RGS8: variants seen among roughly 807,000 people sequenced by gnomAD.
The protein encoded by RGS8 is regulator of G-protein signaling 8.
Under a neutral mutation model 21.7 loss-of-function variants are expected in RGS8, and 8 were observed. The observed-to-expected ratio is 0.37, with a 90% CI of 0.22 to 0.66. The LOEUF is 0.66. RGS8 is among the 30% of genes least tolerant of loss of function. The probability of loss-of-function intolerance (pLI) is 0.59; values close to 1 mark genes in which losing one functional copy is unlikely to be tolerated. For synonymous variants in RGS8, 80 were observed against 83.6 expected, an observed-to-expected ratio of 0.96 and a Z score of 0.24; for missense variants, 157 against 217.9, an observed-to-expected ratio of 0.72 and a Z score of 1.76.
the RGS8 span, among the ~76,000 whole-genome samples, chr1:182,698,829 T>G: frequency 6.6e-6 from 1 of 152,198 alleles, no homozygotes; most frequent in African/African-American, 2.4e-5. Flanking sequence ...TTGAAATAAT[T>G]CTTACTTCGT....
At chr1:182,715,452 T>C in the RGS8 span, among the ~76,000 whole-genome samples, 1 of 152,218 alleles carries the variant, frequency 6.6e-6, no homozygotes, top group African/African-American at 2.4e-5. Context: ...CCTGTGTCTA[T>C]GCTTCACCCA....
At chr1:182,645,943 A>G (rs1209139176), downstream of RGS8, 2 of 152,224 alleles carry the variant, frequency 1.3e-5, no homozygotes, top group African/African-American at 4.8e-5. Context: ...TACTGGTGCT[A>G]CTTGCCCTCG....
chr1:182,671,668 A>G, exon 2 of RGS8: 2 of 1,614,176 alleles, frequency 1.2e-6, no homozygotes, highest in Admixed American at 1.7e-5. Flanking sequence ...GTCTTTGGCC[A>G]GTCCTCATGG....
At chr1:182,707,051 C>A in the RGS8 span, among the ~76,000 whole-genome samples, 1 of 151,776 alleles carries the variant, frequency 6.6e-6, no homozygotes, top group East Asian at 1.9e-4. Flanking sequence ...CCCAGCTACT[C>A]GGGAGGCTGA....
chr1:182,723,360 GT>G, the RGS8 span, among the ~76,000 whole-genome samples: 2 of 152,266 alleles, frequency 1.3e-5, no homozygotes, highest in South Asian at 4.1e-4. Context: ...CACACATGAA[GT>G]TGCTGGCTGG....
the RGS8 span, among the ~76,000 whole-genome samples, chr1:182,720,639 C>G: frequency 6.6e-6 from 1 of 152,036 alleles, no homozygotes; most frequent in Admixed American, 6.5e-5. Flanking sequence ...ACTGCAGGCC[C>G]ATGTTCTGAG....
intron 5 of RGS8, chr1:182,658,233 T>A (rs1663380514): frequency 6.6e-6 from 1 of 152,148 alleles, no homozygotes; most frequent in South Asian, 2.1e-4. Context: ...GGAGGATGCT[T>A]ACATAAGAAA....
chr1:182,679,586 C>T (rs759039756), intron 1 of RGS8, among the ~76,000 whole-genome samples: 2 of 152,146 alleles, frequency 1.3e-5, no homozygotes, highest in Non-Finnish European at 2.9e-5. Context: ...GTCCTAACTA[C>T]ATTGGGTATA....
At chr1:182,729,635 A>G in the RGS8 span, among the ~76,000 whole-genome samples, 1 of 152,232 alleles carries the variant, frequency 6.6e-6, no homozygotes, top group African/African-American at 2.4e-5. Context: ...TAATATACTG[A>G]TAAGTAATTT....
rs114501029 is a variant in RGS8 at position 182,669,095 on chromosome 1, C to T, written c.26+529G>A. Reference sequence around the variant, plus strand: ...ACTTGTTACCAAGACAACTGTGATTCTCCCAAATAGTTTGCAAAAATCTTC... The same window carrying T: ...ACTTGTTACCAAGACAACTGTGATTTTCCCAAATAGTTTGCAAAAATCTTC... On this transcript the variant is annotated intron_variant, in intron 3 of 6. Coordinates refer to ENST00000483095, the Ensembl canonical transcript of RGS8. Among the ~76,000 whole-genome samples the T allele has an allele frequency of 3.4e-3, 520 of 152,332 alleles. 4 individuals carry two copies. Among genetic ancestry groups the T allele is most frequent in the African/African-American group, 0.012 (501 of 41,566 alleles).
chr1:182,645,814 C>T (rs914270134), downstream of RGS8: 1 of 152,182 alleles, frequency 6.6e-6, no homozygotes, highest in African/African-American at 2.4e-5. Flanking sequence ...TAGGAATTCA[C>T]CTCCCTTTGC....
intron 4 of RGS8, 89 bp downstream of exon 5, chr1:182,666,783 G>A: frequency 1.1e-6 from 1 of 922,786 alleles, no homozygotes; most frequent in Non-Finnish European, 1.8e-6. Context: ...GATTTTTCCA[G>A]TGGCTCATCT....
At chr1:182,711,573 A>T in the RGS8 span, among the ~76,000 whole-genome samples, 1 of 152,220 alleles carries the variant, frequency 6.6e-6, no homozygotes, top group Admixed American at 6.5e-5. Context: ...AACACATACC[A>T]GCAACAAATA....
At chr1:182,732,278 C>CACAA in the RGS8 span, among the ~76,000 whole-genome samples, 2 of 150,934 alleles carry the variant, frequency 1.3e-5, no homozygotes, top group African/African-American at 4.9e-5. Flanking sequence ...CTCATACACA[C>CACAA]ACACACACAC....
chr1:182,685,058 A>G (rs749712790), upstream of RGS8, among the ~76,000 whole-genome samples: 3 of 151,258 alleles, frequency 2.0e-5, no homozygotes, highest in Middle Eastern at 3.2e-3. Flanking sequence ...AAGGCAATTT[A>G]TATCACGCAC....
At chr1:182,686,180 A>G (rs1177230839), upstream of RGS8, among the ~76,000 whole-genome samples, 1 of 152,182 alleles carries the variant, frequency 6.6e-6, no homozygotes, top group Non-Finnish European at 1.5e-5. Context: ...TATGTTTGGG[A>G]AACAGTGAGT....
chr1:182,726,434 G>A, the RGS8 span, among the ~76,000 whole-genome samples: 1 of 152,164 alleles, frequency 6.6e-6, no homozygotes, highest in Non-Finnish European at 1.5e-5. Flanking sequence ...ACTTTGGGAG[G>A]CCGAGGTAGG....
chr1:182,742,511 C>T, the RGS8 span, among the ~76,000 whole-genome samples: 3 of 152,058 alleles, frequency 2.0e-5, no homozygotes, highest in African/African-American at 7.3e-5. Context: ...CCGAGGCTGG[C>T]GGATCACTCG....
At chr1:182,706,226 C>T in the RGS8 span, among the ~76,000 whole-genome samples, 9 of 152,058 alleles carry the variant, frequency 5.9e-5, no homozygotes, top group Admixed American at 5.9e-4. Context: ...CTCAAGTGAT[C>T]TGTCTGCTCA....
Sources: allele counts gnomAD v4.1 joint callset (sites outside exome capture counted in the v4.1 genomes callset), GRCh38; gene constraint gnomAD v4.1.1; transcripts MANE v1.5; gene names NCBI Gene and HGNC (gene_info 2026-07-23, HGNC 2026-07-21).